RIMS1: variants seen among roughly 807,000 people sequenced by gnomAD.
The protein encoded by RIMS1 is regulating synaptic membrane exocytosis protein 1.
A neutral mutation model predicts 214.1 loss-of-function variants in RIMS1; 83 were observed. That is an observed-to-expected ratio of 0.39 (90% CI 0.32 to 0.47). RIMS1 has a LOEUF of 0.47. Among genes scored for constraint, RIMS1 ranks in the 20% least tolerant of loss-of-function variants. The pLI, the probability that RIMS1 is intolerant of heterozygous loss-of-function variation, is 0.99. For missense variants in RIMS1, 2,050 were observed against 2,161.8 expected (o/e 0.95, Z 1.03); for synonymous variants, 793 against 786.8 (o/e 1.01, Z -0.13).
intron 23 of RIMS1, among the ~76,000 whole-genome samples, 190 bp downstream of exon 23, chr6:72,274,622 GCAGAGTTTAAACC>G (rs535024050): frequency 2.0e-5 from 3 of 152,300 alleles, no homozygotes; most frequent in African/African-American, 7.2e-5. Flanking sequence ...CATACAAATG[GCAGAGTTTAAACC>G]CAGTGAAGTC....
chr6:71,954,361 G>C (rs1361834), intron 1 of RIMS1, among the ~76,000 whole-genome samples: 65,716 of 151,882 alleles, frequency 0.43, 14,665 homozygotes, highest in African/African-American at 0.53. Flanking sequence ...GCTTTTTTAA[G>C]ATACAGTAGC....
chr6:72,177,135 C>A (rs551971192), intron 4 of RIMS1, among the ~76,000 whole-genome samples: 1 of 152,210 alleles, frequency 6.6e-6, no homozygotes, highest in Non-Finnish European at 1.5e-5. Context: ...TAGCTTTATT[C>A]AATTTTAGAA....
chr6:72,185,813 C>T (rs1029165312), intron 6 of RIMS1, among the ~76,000 whole-genome samples: 3 of 152,240 alleles, frequency 2.0e-5, no homozygotes, highest in Admixed American at 1.3e-4. Flanking sequence ...CCTGCCTCTT[C>T]TGCTTCCTCT....
At chr6:72,270,408 C>CT (rs1188917692) in intron 22 of RIMS1, among the ~76,000 whole-genome samples, 12 of 152,026 alleles carry the variant, frequency 7.9e-5, no homozygotes, top group African/African-American at 2.9e-4. Context: ...GGATAATATC[C>CT]TATTTCTCTT....
At chr6:72,311,840 G>A (rs9446618) in intron 27 of RIMS1, among the ~76,000 whole-genome samples, 14,670 of 152,056 alleles carry the variant, frequency 0.096, 730 homozygotes, top group South Asian at 0.13. Context: ...GTGTGGCACC[G>A]TGCGCCTGTA....
intron 28 of RIMS1, among the ~76,000 whole-genome samples, chr6:72,320,928 A>C (rs754817081): frequency 2.6e-5 from 4 of 152,054 alleles, no homozygotes; most frequent in African/African-American, 9.6e-5. Context: ...TTTTTTATTC[A>C]TTTAGAAAGT....
intron 2 of RIMS1, among the ~76,000 whole-genome samples, chr6:72,075,704 C>A (rs1218814957): frequency 6.6e-6 from 1 of 152,166 alleles, no homozygotes; most frequent in Non-Finnish European, 1.5e-5. Flanking sequence ...TTAGAAATCC[C>A]TTCTGTGGGT....
chr6:72,287,922 A>G (rs2092670795), intron 24 of RIMS1, among the ~76,000 whole-genome samples: 1 of 152,206 alleles, frequency 6.6e-6, no homozygotes, highest in Non-Finnish European at 1.5e-5. Context: ...AAATATACAT[A>G]ATAGAGTAGG....
intron 6 of RIMS1, among the ~76,000 whole-genome samples, chr6:72,194,831 G>C (rs140954307): frequency 6.6e-6 from 1 of 152,078 alleles, no homozygotes; most frequent in Admixed American, 6.6e-5. Context: ...TAACAACCAC[G>C]TTTTACAAGT....
At chr6:72,391,188 A>G (rs2098696475) in intron 30 of RIMS1, among the ~76,000 whole-genome samples, 1 of 152,106 alleles carries the variant, frequency 6.6e-6, no homozygotes, top group Admixed American at 6.5e-5. Flanking sequence ...ACTGTCATAT[A>G]TGTAAGTTAC....
At chr6:72,196,106 A>T (rs889301233) in intron 6 of RIMS1, among the ~76,000 whole-genome samples, 1 of 152,116 alleles carries the variant, frequency 6.6e-6, no homozygotes. Context: ...AAGCCTAACC[A>T]TATCAAGAAG....
intron 6 of RIMS1, among the ~76,000 whole-genome samples, chr6:72,193,573 C>T (rs973621480): frequency 2.0e-5 from 3 of 152,166 alleles, no homozygotes; most frequent in Non-Finnish European, 2.9e-5. Context: ...GCAAACTCCA[C>T]CATTGCCTAC....
At chr6:72,184,999 C>T (rs970268852) in intron 6 of RIMS1, among the ~76,000 whole-genome samples, 1 of 152,182 alleles carries the variant, frequency 6.6e-6, no homozygotes, top group Non-Finnish European at 1.5e-5. Flanking sequence ...GGACTAGATA[C>T]ATGGATGTTT....
At chr6:72,150,051 T>G (rs1289645323) in intron 4 of RIMS1, among the ~76,000 whole-genome samples, 5 of 152,170 alleles carry the variant, frequency 3.3e-5, no homozygotes, top group African/African-American at 1.2e-4. Flanking sequence ...AGGAATTTTA[T>G]TTCATGACAG....
chr6:72,225,885 A>G (rs2154063737), intron 6 of RIMS1, among the ~76,000 whole-genome samples: 1 of 152,260 alleles, frequency 6.6e-6, no homozygotes, highest in South Asian at 2.1e-4. Context: ...TTACTATTCT[A>G]TATTTAGATC....
intron 2 of RIMS1, among the ~76,000 whole-genome samples, chr6:72,077,194 G>A (rs1674418177): frequency 6.6e-6 from 1 of 152,112 alleles, no homozygotes; most frequent in East Asian, 1.9e-4. Flanking sequence ...TGACAATCCT[G>A]TCTATGTAGC....
intron 6 of RIMS1, among the ~76,000 whole-genome samples, chr6:72,211,566 T>C (rs375228385): frequency 8.1e-4 from 123 of 152,294 alleles, no homozygotes; most frequent in Middle Eastern, 3.4e-3. Flanking sequence ...ACATTTTTCA[T>C]ATAGTACTTC....
chr6:72,031,081 T>C (rs1018298785), intron 2 of RIMS1, among the ~76,000 whole-genome samples: 2 of 152,172 alleles, frequency 1.3e-5, no homozygotes, highest in African/African-American at 4.8e-5. Flanking sequence ...GTTTTTAACA[T>C]TATATCTTGT....
At chr6:72,151,660 G>A (rs1033046149) in intron 4 of RIMS1, among the ~76,000 whole-genome samples, 1 of 152,130 alleles carries the variant, frequency 6.6e-6, no homozygotes, top group Non-Finnish European at 1.5e-5. Context: ...ACCAAGAAAA[G>A]GAGTATCATA....
Sources: gnomAD v4.1 joint callset for allele counts (sites outside exome capture counted in the v4.1 genomes callset) on GRCh38, gnomAD v4.1.1 for gene constraint, MANE v1.5 for transcripts, NCBI Gene and HGNC (gene_info 2026-07-23, HGNC 2026-07-21) for gene names.